The following DLGAP2 variants were observed in gnomAD, a reference collection of about 807,000 sequenced individuals.
DLGAP2 encodes DLG associated protein 2, also known as disks large-associated protein 2.
In DLGAP2, 26 loss-of-function variants were observed where a neutral mutation model predicts 100.3. The ratio of observed to expected loss-of-function variants is 0.26; its 90% CI spans 0.19 to 0.36. The LOEUF (loss-of-function observed/expected upper bound fraction) is 0.36, where lower values mean the gene tolerates loss of function less well. Ranked by LOEUF, DLGAP2 falls within the 10% of genes least tolerant of loss-of-function variation. The pLI is 1.00. For missense variants in DLGAP2, 1,858 were observed against 1,453.2 expected, an observed-to-expected ratio of 1.28 and a Z score of -4.53; for synonymous variants, 886 against 630.1, an observed-to-expected ratio of 1.41 and a Z score of -6.08.
chr8:1,003,762 A>C (rs571753901), intron 2 of DLGAP2, among the ~76,000 whole-genome samples: 1 of 152,304 alleles, frequency 6.6e-6, no homozygotes, highest in East Asian at 1.9e-4. Flanking sequence ...CTCTCTCATG[A>C]GACCTGTCCA....
At chr8:1,420,602 A>G (rs1563136209) in intron 3 of DLGAP2, among the ~76,000 whole-genome samples, 4 of 152,224 alleles carry the variant, frequency 2.6e-5, no homozygotes, top group South Asian at 4.1e-4. Flanking sequence ...TTGAGCATCA[A>G]TGTCAAAGCC....
Position 1,438,358 on chromosome 8 carries a change from G to A in DLGAP2, c.107-63008G>A, listed in dbSNP as rs145171219. The stretch of plus-strand genomic sequence containing the variant: ...AAGACCAGTTACAGTTAGCGTTTTG[G>A]TCTTAAATCTCATCAGATTCGCTGC... On this transcript the variant is annotated intron_variant, in intron 3 of 14. Coordinates refer to ENST00000637795, the MANE Select transcript of DLGAP2 (RefSeq NM_001346810.2). Among the ~76,000 whole-genome samples, 351 of 152,242 alleles carry A rather than the reference G, an allele frequency of 2.3e-3. 2 individuals carry two copies. The highest frequency in any genetic ancestry group is 8.1e-3 in the African/African-American group (336 of 41,534).
At chr8:1,138,630 G>A (rs776995672) in intron 2 of DLGAP2, among the ~76,000 whole-genome samples, 5 of 152,246 alleles carry the variant, frequency 3.3e-5, no homozygotes, top group African/African-American at 4.8e-5. Context: ...AACGAATTCC[G>A]TCTTTAAATG....
chr8:914,375 T>G (rs974928495), intron 2 of DLGAP2, among the ~76,000 whole-genome samples: 4 of 152,218 alleles, frequency 2.6e-5, no homozygotes, highest in Non-Finnish European at 5.9e-5. Context: ...CTCATATGCT[T>G]GAAAGGACTT....
chr8:1,043,428 G>C lies in DLGAP2; in HGVS notation c.73+135462G>C, dbSNP rs187395744. Among the ~76,000 whole-genome samples, 142 of 151,946 alleles carry C rather than the reference G, an allele frequency of 9.3e-4. 1 individual carries two copies. The highest frequency in any genetic ancestry group is 3.2e-4 in the Non-Finnish European group (22 of 67,902). ...ATATAGGTGGTGGATGTGGGTGGTG[G>C]ATGTGGCTCACGGGTGGTGGATGTA... is the stretch of plus-strand genomic sequence containing the variant. On this transcript the variant is annotated intron_variant, in intron 2 of 14. Coordinates refer to ENST00000637795, the MANE Select transcript of DLGAP2 (RefSeq NM_001346810.2).
intron 2 of DLGAP2, among the ~76,000 whole-genome samples, chr8:998,974 G>A (rs191101569): frequency 2.9e-4 from 44 of 152,266 alleles, no homozygotes; most frequent in African/African-American, 1.0e-3. Flanking sequence ...GTTGTAGCAT[G>A]CTTGGGTCAT....
At chr8:1,106,599 A>G in intron 2 of DLGAP2, among the ~76,000 whole-genome samples, 1 of 145,612 alleles carries the variant, frequency 6.9e-6, no homozygotes, top group Non-Finnish European at 1.5e-5. Context: ...TTTCTGCTGA[A>G]GGAAGCCATT....
intron 2 of DLGAP2, among the ~76,000 whole-genome samples, chr8:1,008,418 C>T (rs974950322): frequency 6.6e-6 from 1 of 152,288 alleles, no homozygotes; most frequent in African/African-American, 2.4e-5. Context: ...TTATCATATT[C>T]TAGTAATAGG....
intron 3 of DLGAP2, among the ~76,000 whole-genome samples, chr8:1,346,506 A>G (rs1170733081): frequency 6.7e-6 from 1 of 149,936 alleles, no homozygotes; most frequent in Non-Finnish European, 1.5e-5. Context: ...CTCTCATGAT[A>G]GCTGTGTGGA....
At chr8:773,504 C>G (rs540204786) in intron 1 of DLGAP2, among the ~76,000 whole-genome samples, 7 of 146,140 alleles carry the variant, frequency 4.8e-5, no homozygotes, top group African/African-American at 7.6e-5. Flanking sequence ...CCCCTCCCCC[C>G]ACTCCACAAC....
intron 7 of DLGAP2, among the ~76,000 whole-genome samples, chr8:1,627,315 G>A (rs1384878972): frequency 6.6e-6 from 1 of 152,194 alleles, no homozygotes; most frequent in Non-Finnish European, 1.5e-5. Flanking sequence ...CGCTCACAGA[G>A]TCCTGCCGGT....
chr8:766,219 A>G (rs749381107), intron 1 of DLGAP2, among the ~76,000 whole-genome samples: 1 of 152,206 alleles, frequency 6.6e-6, no homozygotes, highest in Non-Finnish European at 1.5e-5. Flanking sequence ...ACATACATGC[A>G]ATCACACACA....
chr8:1,490,434 A>T (rs1442961540), intron 3 of DLGAP2, among the ~76,000 whole-genome samples: 1 of 152,280 alleles, frequency 6.6e-6, no homozygotes, highest in Non-Finnish European at 1.5e-5. Context: ...CAAAGTGAAT[A>T]TTTTTTTATG....
At chr8:792,247 A>G (rs2132641257) in intron 1 of DLGAP2, among the ~76,000 whole-genome samples, 1 of 152,336 alleles carries the variant, frequency 6.6e-6, no homozygotes, top group South Asian at 2.1e-4. Flanking sequence ...CCATTTTAAA[A>G]TCGTGGCATT....
intron 5 of DLGAP2, among the ~76,000 whole-genome samples, chr8:1,552,354 C>T (rs1370043779): frequency 6.6e-6 from 1 of 152,226 alleles, no homozygotes; most frequent in African/African-American, 2.4e-5. Context: ...GTGAAACCAC[C>T]TCTTCGGGGC....
intron 3 of DLGAP2, among the ~76,000 whole-genome samples, chr8:1,346,610 G>A (rs1246675238): frequency 1.3e-5 from 2 of 151,884 alleles, no homozygotes; most frequent in Non-Finnish European, 2.9e-5. Flanking sequence ...TGGTAGCTGT[G>A]TGGAGGTTGA....
chr8:1,214,849 A>T (rs1032331738), intron 2 of DLGAP2, among the ~76,000 whole-genome samples: 2 of 152,230 alleles, frequency 1.3e-5, no homozygotes, highest in African/African-American at 4.8e-5. Context: ...AAGCCAAGCC[A>T]TCTGTTGCTG....
intron 2 of DLGAP2, among the ~76,000 whole-genome samples, chr8:962,108 A>T (rs1006326727): frequency 2.4e-4 from 37 of 152,242 alleles, no homozygotes; most frequent in African/African-American, 8.4e-4. Flanking sequence ...AATTGTAATT[A>T]TCATAGTCGT....
chr8:927,037 A>ACTGGAGGC (rs1387534470), intron 2 of DLGAP2: 1 of 985,198 alleles, frequency 1.0e-6, no homozygotes, highest in Non-Finnish European at 1.2e-6. Context: ...AGAGCCGGGG[A>ACTGGAGGC]CTGGAGGCCT....
Sources: allele counts gnomAD v4.1 joint callset (sites outside exome capture counted in the v4.1 genomes callset), GRCh38; gene constraint gnomAD v4.1.1; transcripts MANE v1.5; gene names NCBI Gene and HGNC (gene_info 2026-07-23, HGNC 2026-07-21).